Variants in ACOX3 observed in about 807,000 individuals in gnomAD.
ACOX3 encodes the protein peroxisomal acyl-coenzyme A oxidase 3.
Under a neutral mutation model 81.5 loss-of-function variants are expected in ACOX3, and 73 were observed. The ratio of observed to expected loss-of-function variants is 0.90; its 90% CI spans 0.74 to 1.09. The LOEUF (loss-of-function observed/expected upper bound fraction) is 1.09, where lower values mean the gene tolerates loss of function less well. Ranked by LOEUF, ACOX3 falls within the 50% of genes least tolerant of loss-of-function variation. The pLI is 0.00. For synonymous variants in ACOX3, 387 were observed against 375.1 expected (o/e 1.03, Z -0.37); for missense variants, 947 against 928.0 (o/e 1.02, Z -0.27).
rs193270275 is a variant in ACOX3, at chr4:8,384,207, G to A, written c.1538-2600C>T. On this transcript the variant is annotated intron_variant, in intron 13 of 17. Transcript: ENST00000356406. This position sits in a 1 kb window ranked among gnomAD's most constrained non-coding sequence, Gnocchi z 5.3. ...AGTGAGAGGGACGCTTGAGAAATGA[G>A]TTATGTTTGCACTGTGTTTTTTCCT... Among the ~76,000 whole-genome samples, 3 of 152,218 alleles carry A rather than the reference G, an allele frequency of 2.0e-5. No individual in the cohort carries two copies. Among genetic ancestry groups the A allele is most frequent in the African/African-American group, 7.2e-5 (3 of 41,444 alleles).
intron 5 of ACOX3, among the ~76,000 whole-genome samples, chr4:8,412,673 G>A (rs1721854471): frequency 6.6e-6 from 1 of 152,152 alleles, no homozygotes; most frequent in East Asian, 1.9e-4. Flanking sequence ...GGGGGAGGGT[G>A]GAAGGCGGGT....
At position 8,414,524 on chromosome 4, in the gene ACOX3, C is replaced by A; in HGVS notation, c.454-143G>T. 1.3e-6 allele frequency: 1 copy of A among 785,154 alleles called. No individual in the cohort carries two copies. Among genetic ancestry groups the A allele is most frequent in the Non-Finnish European group, 2.1e-6 (1 of 473,164 alleles). The allele number at this position is 785,154 out of a possible 1,614,324, so 48.6% of individuals were successfully genotyped here. A position where few individuals can be genotyped will look rare whatever the true frequency, so the allele number is the denominator to read the frequency against. ...TCCATCTACCCAACTAGTGACTTGA[C>A]TGAGTCATGCTGCCACACTCAGCTG... On this transcript the variant is annotated intron_variant, in intron 4 of 17. Coordinates refer to ENST00000356406, the MANE Select transcript of ACOX3 (RefSeq NM_003501.3). This position sits in a 1 kb window ranked among gnomAD's most constrained non-coding sequence, Gnocchi z 6.1.
rs989201658 is a variant in ACOX3 at position 8,386,757 on chromosome 4, C to T, written c.1537+2416G>A. On this transcript the variant is annotated intron_variant, in intron 13 of 17. Coordinates refer to ENST00000356406, the MANE Select transcript of ACOX3 (RefSeq NM_003501.3). This position sits in a 1 kb window ranked among gnomAD's most constrained non-coding sequence, Gnocchi z 5.2. ...AGACGCTTCCTGATGACGATGCTGA[C>T]GGTGCGGGCAGGGGAAGGCGCTGGG... is the stretch of plus-strand genomic sequence containing the variant. Among the ~76,000 whole-genome samples the T allele has an allele frequency of 9.2e-5, 14 of 152,244 alleles. No individual in the cohort carries two copies. Among genetic ancestry groups the T allele is most frequent in the East Asian group, 1.9e-4 (1 of 5,156 alleles).
downstream of ACOX3, among the ~76,000 whole-genome samples, chr4:8,365,011 T>C (rs773633711): frequency 2.6e-5 from 4 of 152,014 alleles, no homozygotes; most frequent in Non-Finnish European, 5.9e-5. Flanking sequence ...TTAGAAAAGC[T>C]ACAGGTCTAG....
chr4:8,359,219 C>A, the ACOX3 span, among the ~76,000 whole-genome samples: 1 of 152,132 alleles, frequency 6.6e-6, no homozygotes, highest in Non-Finnish European at 1.5e-5. This position sits in a 1 kb window ranked among gnomAD's most constrained non-coding sequence, Gnocchi z 6.0. Flanking sequence ...TGAGGAGACC[C>A]CTCAACCCAA....
chr4:8,408,917 GGGGC>G, intron 6 of ACOX3, among the ~76,000 whole-genome samples: 3 of 127,524 alleles, frequency 2.4e-5, no homozygotes, highest in Admixed American at 7.5e-5. Flanking sequence ...GGGGGGGGTG[GGGGC>G]GGTCTGAGGC....
At chr4:8,364,241 C>A (rs1715293160), downstream of ACOX3, among the ~76,000 whole-genome samples, 3 of 152,202 alleles carry the variant, frequency 2.0e-5, no homozygotes, top group Non-Finnish European at 1.5e-5. The surrounding 1 kb of genome is among the most constrained non-coding windows in gnomAD (Gnocchi z 5.0). Context: ...TAAAATCAGG[C>A]TGTAACCCAG....
At chr4:8,374,825 A>C in intron 15 of ACOX3, 153 bp downstream of exon 15, 2 of 814,276 alleles carry the variant, frequency 2.5e-6, no homozygotes, top group East Asian at 2.9e-5. Context: ...GCTTCTCATT[A>C]TGGAACTGGG....
In ACOX3 at chr4:8,366,828, G is replaced by T; in HGVS notation, c.*133C>A. 7.6e-7 allele frequency: 1 copy of T among 1,314,836 alleles called. No homozygotes were observed. Among genetic ancestry groups the T allele is most frequent in the Non-Finnish European group, 1.0e-6 (1 of 959,386 alleles). 81.4% of individuals were successfully genotyped at this position (1,314,836 alleles called of 1,614,324 possible). A position where few individuals can be genotyped will look rare whatever the true frequency, so the allele number is the denominator to read the frequency against. ...CCGCCTGGGCAGTTGAGGCCAATCAGCAGTTTAGGCGCACAGGTGCGGGCT... is the reference window on the plus strand; with the variant it reads ...CCGCCTGGGCAGTTGAGGCCAATCATCAGTTTAGGCGCACAGGTGCGGGCT... On this transcript the variant is annotated 3_prime_UTR_variant, in exon 18 of 18. Transcript: ENST00000356406.
At chr4:8,403,816 GTCAAAGCCTCTCAT>G (rs1472436879) in intron 7 of ACOX3, among the ~76,000 whole-genome samples, 1 of 152,216 alleles carries the variant, frequency 6.6e-6, no homozygotes, top group African/African-American at 2.4e-5. Flanking sequence ...CCAAAATAAT[GTCAAAGCCTCTCAT>G]TCATGAAACT....
chr4:8,440,577 G>A (rs1724564782), intron 1 of ACOX3, 71 bp downstream of exon 1: 3 of 463,820 alleles, frequency 6.5e-6, no homozygotes, highest in Non-Finnish European at 3.7e-6. Flanking sequence ...GCTGGCTGAT[G>A]TTTGATTCTG....
In ACOX3 at chr4:8,406,524, C is replaced by A. The variant is rs1011187065; in HGVS notation, c.688-481G>T. On this transcript the variant is annotated intron_variant, in intron 6 of 17. Transcript: ENST00000356406. The surrounding 1 kb of genome is among the most constrained non-coding windows in gnomAD (Gnocchi z 5.6). ...GACGGCTGGGTCCGGGGGACCACTA[C>A]CACCAAGACACGGAGACCGGTAGTG... is the stretch of plus-strand genomic sequence containing the variant. 6.6e-6 allele frequency among the ~76,000 whole-genome samples: 1 copy of A among 152,012 alleles called. No homozygotes were observed. The highest frequency in any genetic ancestry group is 1.5e-5 in the Non-Finnish European group (1 of 68,024).
In ACOX3 at chr4:8,366,804, C is replaced by T. The variant is rs957628288; in HGVS notation, c.*157G>A. 16 of 1,026,212 alleles carry T rather than the reference C, an allele frequency of 1.6e-5. No individual in the cohort carries two copies. The highest frequency in any genetic ancestry group is 5.2e-5 in the East Asian group (2 of 38,678). The allele number at this position is 1,026,212 out of a possible 1,614,324, so 63.6% of individuals were successfully genotyped here. A position where few individuals can be genotyped will look rare whatever the true frequency, so the allele number is the denominator to read the frequency against. On this transcript the variant is annotated 3_prime_UTR_variant, in exon 18 of 18. Coordinates refer to ENST00000356406, the MANE Select transcript of ACOX3 (RefSeq NM_003501.3). Reference sequence around the variant, plus strand: ...GCCGGCCGGGTGCCTCCCTCCCGTCCGCCTGGGCAGTTGAGGCCAATCAGC... The same window carrying T: ...GCCGGCCGGGTGCCTCCCTCCCGTCTGCCTGGGCAGTTGAGGCCAATCAGC...
rs1427891037 is a variant in ACOX3 at position 8,430,396 on chromosome 4, A to G, written c.-15+10252T>C. On this transcript the variant is annotated intron_variant, in intron 1 of 17. Coordinates refer to ENST00000356406, the MANE Select transcript of ACOX3 (RefSeq NM_003501.3). The surrounding 1 kb of genome is among the most constrained non-coding windows in gnomAD (Gnocchi z 5.2). ...AGGATTGCCTGAAGACAAAGCAATCATGGTCTAATAAAAAATACACACCAC... is the reference window on the plus strand; with the variant it reads ...AGGATTGCCTGAAGACAAAGCAATCGTGGTCTAATAAAAAATACACACCAC... Among the ~76,000 whole-genome samples, 1 of 152,220 alleles carries G rather than the reference A, an allele frequency of 6.6e-6. No homozygotes were observed. Among genetic ancestry groups the G allele is most frequent in the Non-Finnish European group, 1.5e-5 (1 of 68,044 alleles).
chr4:8,405,266 G>A lies in ACOX3; in HGVS notation c.776+689C>T, dbSNP rs1377949268. Among the ~76,000 whole-genome samples the A allele has an allele frequency of 6.6e-6, 1 of 152,148 alleles. No homozygotes were observed. The highest frequency in any genetic ancestry group is 6.5e-5 in the Admixed American group (1 of 15,284). On this transcript the variant is annotated intron_variant, in intron 7 of 17. Transcript: ENST00000356406. This position sits in a 1 kb window ranked among gnomAD's most constrained non-coding sequence, Gnocchi z 7.1. ...AGGCCTGGGCCTGACACTTCCCACT[G>A]CTTCCTCCACCTGAAACGCTGCACA...
rs543425932 is a variant in ACOX3 at position 8,402,927 on chromosome 4, A to G, written c.776+3028T>C. Among the ~76,000 whole-genome samples, 5 of 152,288 alleles carry G rather than the reference A, an allele frequency of 3.3e-5. No homozygotes were observed. The South Asian group carries it at 8.3e-4, about 25-fold the overall frequency. On this transcript the variant is annotated intron_variant, in intron 7 of 17. Transcript: ENST00000356406. ...CTTTGGGGCCTGGAAGGGCCCCCCA[A>G]GCCCAGCCCAGCCAAGCCGCCAGAG...
intron 10 of ACOX3, among the ~76,000 whole-genome samples, chr4:8,392,768 A>G (rs1278551509): frequency 6.6e-6 from 1 of 152,206 alleles, no homozygotes; most frequent in Non-Finnish European, 1.5e-5. Context: ...CACTTTATAT[A>G]AAGTTCACAA....
At chr4:8,383,911 A>G (rs1717994683) in intron 13 of ACOX3, among the ~76,000 whole-genome samples, 1 of 152,200 alleles carries the variant, frequency 6.6e-6, no homozygotes, top group South Asian at 2.1e-4. Flanking sequence ...TTATTTACAC[A>G]GCAACAAAAC....
intron 9 of ACOX3, among the ~76,000 whole-genome samples, chr4:8,396,120 G>A (rs1474451769): frequency 6.6e-6 from 1 of 152,224 alleles, no homozygotes; most frequent in Admixed American, 6.5e-5. Context: ...ATCTGTGCAT[G>A]TCAACAGCTG....
Sources: gnomAD v4.1 joint callset for allele counts (sites outside exome capture counted in the v4.1 genomes callset) on GRCh38, gnomAD v4.1.1 for gene constraint, Gnocchi (gnomAD v3.1) non-coding constraint, MANE v1.5 for transcripts, NCBI Gene and HGNC (gene_info 2026-07-23, HGNC 2026-07-21) for gene names.